Variants in BICRA observed in about 807,000 individuals in gnomAD.
BICRA encodes BRD4-interacting chromatin-remodeling complex-associated protein.
A neutral mutation model predicts 96.9 loss-of-function variants in BICRA; 31 were observed. That is an observed-to-expected ratio of 0.32 (90% confidence interval 0.24 to 0.43). BICRA has a LOEUF of 0.43. Among genes scored for constraint, BICRA ranks in the 20% least tolerant of loss-of-function variants. The pLI is 1.00. For missense variants in BICRA, 2,283 were observed against 2,190.3 expected, an observed-to-expected ratio of 1.04 and a Z score of -0.84; for synonymous variants, 1,350 against 1,071.8, an observed-to-expected ratio of 1.26 and a Z score of -5.07.
At chr19:47,634,951 A>G (rs1599798848) in intron 1 of BICRA, among the ~76,000 whole-genome samples, 1 of 151,590 alleles carries the variant, frequency 6.6e-6, no homozygotes, top group South Asian at 2.1e-4. Context: ...TTTAGTAGAG[A>G]TGGGGTTTCA....
chr19:47,617,487 C>T (rs1436847357), intron 1 of BICRA, among the ~76,000 whole-genome samples: 1 of 151,944 alleles, frequency 6.6e-6, no homozygotes, highest in African/African-American at 2.4e-5. Flanking sequence ...CCTCAGTCTC[C>T]CGAGTAGCTG....
intron 1 of BICRA, among the ~76,000 whole-genome samples, chr19:47,648,688 T>TG (rs1568557123): frequency 1.3e-5 from 2 of 148,958 alleles, no homozygotes; most frequent in East Asian, 2.0e-4. Context: ...TGTTTGTTTT[T>TG]TTTTTTTTGA....
Position 47,694,496 on chromosome 19 carries a change from G to T in BICRA, c.2665G>T (p.Ala889Ser), listed in dbSNP as rs754257894. ...TCCATCCTCCACCTCCTCTGCTGTG[G>T]CCTCCTCCTCTGAGACGTCCTCCAG... is the stretch of plus-strand genomic sequence containing the variant. ...LPPSSTSSAV[A>S]SSSETSSRLP... The change falls in exon 8 of 15, where the codon GCC becomes TCC. Residue 889 changes from alanine (A) to serine (S), a missense_variant. By Grantham distance (99) the Ala-to-Ser change is moderately conservative. Coordinates refer to ENST00000594866, the MANE Select transcript of BICRA (RefSeq NM_001394372.1). The T allele has an allele frequency of 1.0e-5, 16 of 1,582,112 alleles. No homozygotes were observed. Among genetic ancestry groups the T allele is most frequent in the Non-Finnish European group, 3.5e-6 (4 of 1,158,056 alleles).
At chr19:47,613,084 C>G (rs368381016) in intron 1 of BICRA, among the ~76,000 whole-genome samples, 22 of 152,218 alleles carry the variant, frequency 1.4e-4, no homozygotes, top group African/African-American at 4.8e-4. Flanking sequence ...TAGAGGGTCT[C>G]CCGGCTGACT....
intron 1 of BICRA, among the ~76,000 whole-genome samples, chr19:47,657,157 G>T (rs1008238383): frequency 5.3e-5 from 8 of 151,944 alleles, no homozygotes; most frequent in Non-Finnish European, 1.2e-4. Context: ...CACTGCGCCG[G>T]GCCCATGTTC....
At position 47,696,362 on chromosome 19, in the gene BICRA, C is replaced by T. The variant is rs867045358; in HGVS notation, c.3187-89C>T. On this transcript the variant is annotated intron_variant, in intron 10 of 14. Coordinates refer to ENST00000594866, the MANE Select transcript of BICRA (RefSeq NM_001394372.1). ...CTGGGTGAGACACTGGTCCCCTGTCCCGTCTTTATCCTAGGCTAGAGGGGA... is the reference window on the plus strand; with the variant it reads ...CTGGGTGAGACACTGGTCCCCTGTCTCGTCTTTATCCTAGGCTAGAGGGGA... The T allele has an allele frequency of 7.0e-5, 87 of 1,234,524 alleles. No homozygotes were observed. The African/African-American group carries it at 1.0e-3, about 15-fold the overall frequency. The allele number at this position is 1,234,524 out of a possible 1,614,324, so 76.5% of individuals were successfully genotyped here.
intron 1 of BICRA, among the ~76,000 whole-genome samples, chr19:47,653,016 T>A (rs71363761): frequency 9.2e-6 from 1 of 108,734 alleles, no homozygotes; most frequent in Non-Finnish European, 1.6e-5. Flanking sequence ...GTCCTCATTC[T>A]TTTTTTTTTT....
chr19:47,699,899 C>T lies in BICRA; in HGVS notation c.3595+494C>T, dbSNP rs1472256411. The T allele has an allele frequency of 1.3e-5, 2 of 157,492 alleles. No individual in the cohort carries two copies. Among genetic ancestry groups the T allele is most frequent in the Non-Finnish European group, 2.8e-5 (2 of 70,850 alleles). The allele number at this position is 157,492 out of a possible 1,614,324, so 9.8% of individuals were successfully genotyped here. A position where few individuals can be genotyped will look rare whatever the true frequency, so the allele number is the denominator to read the frequency against. On this transcript the variant is annotated intron_variant, in intron 14 of 14. Coordinates refer to ENST00000594866, the MANE Select transcript of BICRA (RefSeq NM_001394372.1). The surrounding 1 kb of genome is among the most constrained non-coding windows in gnomAD (Gnocchi z 5.0). ...AGAATATTCCCTTAGCCTTTGCCCA[C>T]ATTCCAACTCCAGGGCTTCCCTGGA...
At chr19:47,664,148 C>T (rs901300199) in intron 1 of BICRA, among the ~76,000 whole-genome samples, 7 of 152,156 alleles carry the variant, frequency 4.6e-5, no homozygotes, top group South Asian at 2.1e-4. Flanking sequence ...CAAATGATAT[C>T]GTTCTGGAGA....
chr19:47,647,779 C>T lies in BICRA; in HGVS notation c.-107-22664C>T, dbSNP rs140924165. On this transcript the variant is annotated intron_variant, in intron 1 of 14. Transcript: ENST00000594866. The stretch of plus-strand genomic sequence containing the variant: ...CCATGGTGCCTGTGACCAAGATGTC[C>T]GCATCGTTAGTGAAGACCCTGCTAT... 5.9e-4 allele frequency among the ~76,000 whole-genome samples: 89 copies of T among 152,084 alleles called. No individual in the cohort carries two copies. In the Middle Eastern group the frequency reaches 0.014, roughly 23 times the overall value.
chr19:47,684,146 C>A (rs1250920118), intron 7 of BICRA, among the ~76,000 whole-genome samples: 4 of 152,182 alleles, frequency 2.6e-5, no homozygotes, highest in Non-Finnish European at 5.9e-5. Context: ...ATGCTTAGCA[C>A]AAAGTAAGCA....
At chr19:47,640,584 G>A (rs1056173580) in intron 1 of BICRA, among the ~76,000 whole-genome samples, 3 of 151,946 alleles carry the variant, frequency 2.0e-5, no homozygotes, top group African/African-American at 7.3e-5. Flanking sequence ...TGCCAGTGGA[G>A]GATACTCAAA....
intron 1 of BICRA, among the ~76,000 whole-genome samples, chr19:47,639,325 T>C (rs971247024): frequency 2.1e-4 from 25 of 121,282 alleles, no homozygotes; most frequent in Non-Finnish European, 3.3e-4. Flanking sequence ...CTGCATTTTT[T>C]TTTTTTTTTT....
At chr19:47,695,344 C>CG in intron 9 of BICRA, 21 bp from the exon 10 acceptor site, 9 of 513,690 alleles carry the variant, frequency 1.8e-5, no homozygotes, top group South Asian at 1.0e-4. Flanking sequence ...GCCCTGTCTC[C>CG]CCCACCCCAC....
At chr19:47,681,411 A>G (rs1008516692) in intron 6 of BICRA, 135 bp downstream of exon 6, 2 of 803,678 alleles carry the variant, frequency 2.5e-6, no homozygotes, top group African/African-American at 3.4e-5. Flanking sequence ...CAGTCATGGC[A>G]CAGGTGGCCC....
chr19:47,643,121 CA>C (rs1972407704), intron 1 of BICRA, among the ~76,000 whole-genome samples: 1 of 152,244 alleles, frequency 6.6e-6, no homozygotes. Flanking sequence ...AGGCGCCCTC[CA>C]CCATGCCCGG....
chr19:47,679,235 C>A, intron 5 of BICRA, 86 bp from the exon 6 acceptor site: 1 of 1,002,770 alleles, frequency 1.0e-6, no homozygotes, highest in Non-Finnish European at 1.4e-6. Context: ...TGCCCTGTCA[C>A]CTCAGCATTC....
In BICRA at chr19:47,624,992, C is replaced by CTTT. The variant is rs35273886; in HGVS notation, c.-108+15847_-108+15849dup. ...TACAGACATGAGCCACTGCACCTGG[C>CTTT]TTTTTTTTTTTTTTTTTTTTTTTTT... On this transcript the variant is annotated intron_variant, in intron 1 of 14. Coordinates refer to ENST00000594866, the MANE Select transcript of BICRA (RefSeq NM_001394372.1). Among the ~76,000 whole-genome samples the CTTT allele has an allele frequency of 8.8e-3, 510 of 57,926 alleles. 27 individuals are homozygous for CTTT. Among genetic ancestry groups the CTTT allele is most frequent in the Middle Eastern group, 0.017 (1 of 58 alleles). The allele number at this position is 57,926 out of a possible 152,430, so 38.0% of individuals were successfully genotyped here.
intron 1 of BICRA, among the ~76,000 whole-genome samples, chr19:47,623,577 A>C (rs1319153568): frequency 6.6e-6 from 1 of 152,144 alleles, no homozygotes; most frequent in Non-Finnish European, 1.5e-5. Flanking sequence ...TCCAGCACAA[A>C]TAGCCGGTGC....
Sources: allele counts gnomAD v4.1 joint callset (sites outside exome capture counted in the v4.1 genomes callset), GRCh38; gene constraint gnomAD v4.1.1; non-coding constraint Gnocchi (gnomAD v3.1); transcripts MANE v1.5; gene names NCBI Gene and HGNC (gene_info 2026-07-23, HGNC 2026-07-21).